Variants in TTC38 observed in about 807,000 individuals in gnomAD.
The protein encoded by TTC38 is tetratricopeptide repeat protein 38.
Under a neutral mutation model 64.2 loss-of-function variants are expected in TTC38, and 64 were observed. That is an observed-to-expected ratio of 1.00 (90% CI 0.81 to 1.23). The LOEUF is 1.23. TTC38 is among the 50% of genes most tolerant of loss of function. The probability of loss-of-function intolerance (pLI) is 0.00; values close to 1 mark genes in which losing one functional copy is unlikely to be tolerated. For missense variants in TTC38, 573 were observed against 615.5 expected (o/e 0.93, Z 0.73); for synonymous variants, 254 against 249.3 (o/e 1.02, Z -0.18).
At position 46,293,139 on chromosome 22, in the gene TTC38, T is replaced by A. The variant is rs2077628473; in HGVS notation, c.*255T>A. ...CAGTGTGAGTGCTGCTCTTTCCACCTGCCTTGCAAATTCTGTTTCCCAGGG... is the reference window on the plus strand; with the variant it reads ...CAGTGTGAGTGCTGCTCTTTCCACCAGCCTTGCAAATTCTGTTTCCCAGGG... On this transcript the variant is annotated 3_prime_UTR_variant, in exon 14 of 14. Transcript: ENST00000381031. This position sits in a 1 kb window ranked among gnomAD's most constrained non-coding sequence, Gnocchi z 6.6. The A allele has an allele frequency of 2.2e-6, 1 of 451,216 alleles. No homozygotes were observed. Among genetic ancestry groups the A allele is most frequent in the Admixed American group, 3.3e-5 (1 of 30,304 alleles). 28.0% of individuals were successfully genotyped at this position (451,216 alleles called of 1,614,324 possible).
At chr22:46,289,713 G>A (rs1397683581) in intron 12 of TTC38, 113 bp from the exon 13 acceptor site, 1 of 1,470,902 alleles carries the variant, frequency 6.8e-7, no homozygotes. Flanking sequence ...CGTCGTTGAG[G>A]GTGTGGCATC....
At chr22:46,268,918 A>T (rs1325876208) in intron 2 of TTC38, 1 of 344,752 alleles carries the variant, frequency 2.9e-6, no homozygotes, top group Non-Finnish European at 5.7e-6. Flanking sequence ...CGATCTCCTG[A>T]CCTCGTGATC....
Position 46,270,529 on chromosome 22 carries a change from C to G in TTC38, c.112-1806C>G, listed in dbSNP as rs1294960857. On this transcript the variant is annotated intron_variant, in intron 2 of 13. Coordinates refer to ENST00000381031, the MANE Select transcript of TTC38 (RefSeq NM_017931.4). This position sits in a 1 kb window ranked among gnomAD's most constrained non-coding sequence, Gnocchi z 4.7. ...AGTAAAGGACCAGGTACAAATACAG[C>G]AAATTGTTAAAAATGATGATGCGCT... Among the ~76,000 whole-genome samples the G allele has an allele frequency of 6.6e-6, 1 of 152,060 alleles. No homozygotes were observed. The highest frequency in any genetic ancestry group is 2.4e-5 in the African/African-American group (1 of 41,398).
intron 6 of TTC38, chr22:46,280,296 A>G (rs1480157228): frequency 9.3e-6 from 4 of 432,050 alleles, no homozygotes; most frequent in Non-Finnish European, 1.9e-5. Flanking sequence ...GTGGAGGCTT[A>G]GGGAGGAGGC....
In TTC38 at chr22:46,272,485, C is replaced by T; in HGVS notation, c.193+69C>T. 4 of 1,358,112 alleles carry T rather than the reference C, an allele frequency of 2.9e-6. No homozygotes were observed. The South Asian group carries it at 3.6e-5, about 12-fold the overall frequency. 84.1% of individuals were successfully genotyped at this position (1,358,112 alleles called of 1,614,324 possible). ...TCCAGCCCCTCTCTTTCCTTTACCA[C>T]AGGGACACAGTTGGGATGGGGAAGG... On this transcript the variant is annotated intron_variant, in intron 3 of 13. Transcript: ENST00000381031. The surrounding 1 kb of genome is among the most constrained non-coding windows in gnomAD (Gnocchi z 6.4).
At position 46,273,230 on chromosome 22, in the gene TTC38, A is replaced by AGCTGG. The variant is rs1415108843; in HGVS notation, c.194-654_194-650dup. On this transcript the variant is annotated intron_variant, in intron 3 of 13. Coordinates refer to ENST00000381031, the MANE Select transcript of TTC38 (RefSeq NM_017931.4). This position sits in a 1 kb window ranked among gnomAD's most constrained non-coding sequence, Gnocchi z 5.1. ...GGGGGCTTCGACCACCTGAATCATC[A>AGCTGG]GCTGGGCTGGGCTGGGCTCGACCAT... 2.0e-5 allele frequency among the ~76,000 whole-genome samples: 3 copies of AGCTGG among 152,156 alleles called. No homozygotes were observed. Among genetic ancestry groups the AGCTGG allele is most frequent in the Non-Finnish European group, 4.4e-5 (3 of 68,022 alleles).
intron 2 of TTC38, chr22:46,269,016 A>G: frequency 1.1e-5 from 4 of 357,564 alleles, no homozygotes; most frequent in South Asian, 8.5e-5. Flanking sequence ...TTGCGCCATG[A>G]CCTTAGCAAT....
In TTC38 at chr22:46,291,809, A is replaced by G. The variant is rs1215605311; in HGVS notation, c.1317-982A>G. Among the ~76,000 whole-genome samples, 2 of 152,152 alleles carry G rather than the reference A, an allele frequency of 1.3e-5. No homozygotes were observed. Among genetic ancestry groups the G allele is most frequent in the Non-Finnish European group, 2.9e-5 (2 of 68,034 alleles). ...GCCTCTACTAAAAATACAAAAAATTAGCCGGGCGTGGTGGTGGGTACCTGT... is the reference window on the plus strand; with the variant it reads ...GCCTCTACTAAAAATACAAAAAATTGGCCGGGCGTGGTGGTGGGTACCTGT... On this transcript the variant is annotated intron_variant, in intron 13 of 13. Coordinates refer to ENST00000381031, the MANE Select transcript of TTC38 (RefSeq NM_017931.4). The surrounding 1 kb of genome is among the most constrained non-coding windows in gnomAD (Gnocchi z 4.6).
At position 46,291,286 on chromosome 22, in the gene TTC38, A is replaced by C. The variant is rs1008104210; in HGVS notation, c.1316+1387A>C. On this transcript the variant is annotated intron_variant, in intron 13 of 13. Transcript: ENST00000381031. This position sits in a 1 kb window ranked among gnomAD's most constrained non-coding sequence, Gnocchi z 4.6. Reference sequence around the variant, plus strand: ...GTGCCTCTGGCAGCAGCGGTGGGGAAAGTGGCTGTGTGGACAGGAGGGCTG... The same window carrying C: ...GTGCCTCTGGCAGCAGCGGTGGGGACAGTGGCTGTGTGGACAGGAGGGCTG... Among the ~76,000 whole-genome samples, 2 of 152,152 alleles carry C rather than the reference A, an allele frequency of 1.3e-5. No homozygotes were observed. Among genetic ancestry groups the C allele is most frequent in the Admixed American group, 1.3e-4 (2 of 15,268 alleles).
intron 11 of TTC38, 80 bp from the exon 12 acceptor site, chr22:46,289,322 C>A: frequency 6.5e-7 from 1 of 1,532,090 alleles, no homozygotes; most frequent in Non-Finnish European, 8.8e-7. Context: ...AGGGACACCT[C>A]GCTGAGGAAG....
At position 46,274,977 on chromosome 22, in the gene TTC38, C is replaced by T. The variant is rs542828067; in HGVS notation, c.366-271C>T. ...AGCTGGGATTACAGGCACATATCAC[C>T]ACACCCTGCTCATTTTTGTATTTTT... On this transcript the variant is annotated intron_variant, in intron 4 of 13. Transcript: ENST00000381031. This position sits in a 1 kb window ranked among gnomAD's most constrained non-coding sequence, Gnocchi z 4.8. Among the ~76,000 whole-genome samples, 1 of 152,282 alleles carries T rather than the reference C, an allele frequency of 6.6e-6. No individual in the cohort carries two copies. The highest frequency in any genetic ancestry group is 1.9e-4 in the East Asian group (1 of 5,184).
Position 46,272,505 on chromosome 22 carries a change from G to A in TTC38, c.193+89G>A. 1 of 1,179,402 alleles carries A rather than the reference G, an allele frequency of 8.5e-7. No individual in the cohort carries two copies. The allele number at this position is 1,179,402 out of a possible 1,614,324, so 73.1% of individuals were successfully genotyped here. A position where few individuals can be genotyped will look rare whatever the true frequency, so the allele number is the denominator to read the frequency against. ...TACCACAGGGACACAGTTGGGATGGGGAAGGCAGGTTGGGTGGCAGCAACC... is the reference window on the plus strand; with the variant it reads ...TACCACAGGGACACAGTTGGGATGGAGAAGGCAGGTTGGGTGGCAGCAACC... On this transcript the variant is annotated intron_variant, in intron 3 of 13. Transcript: ENST00000381031. This position sits in a 1 kb window ranked among gnomAD's most constrained non-coding sequence, Gnocchi z 6.4.
Position 46,276,813 on chromosome 22 carries a change from T to A in TTC38, c.539+1392T>A, listed in dbSNP as rs1409973800. ...ATATATTAAAAATTATATATTAAAA[T>A]ATATATATTAAATATATATATATAT... On this transcript the variant is annotated intron_variant, in intron 5 of 13. Coordinates refer to ENST00000381031, the MANE Select transcript of TTC38 (RefSeq NM_017931.4). This position sits in a 1 kb window ranked among gnomAD's most constrained non-coding sequence, Gnocchi z 4.7. 8.1e-4 allele frequency among the ~76,000 whole-genome samples: 109 copies of A among 134,310 alleles called. No homozygotes were observed. The highest frequency in any genetic ancestry group is 3.3e-3 in the East Asian group (17 of 5,090). The allele number at this position is 134,310 out of a possible 152,430, so 88.1% of individuals were successfully genotyped here.
At chr22:46,269,053 T>C (rs1470657959) in intron 2 of TTC38, 2 of 392,838 alleles carry the variant, frequency 5.1e-6, no homozygotes, top group South Asian at 1.9e-5. Flanking sequence ...GTGCACTTTG[T>C]ACTGGAGGAC....
chr22:46,268,441 G>C (rs565949551), intron 1 of TTC38, 73 bp from the exon 2 acceptor site: 685 of 1,495,770 alleles, frequency 4.6e-4, no homozygotes, highest in Non-Finnish European at 5.2e-4. Flanking sequence ...GAGGGGCCAG[G>C]AGACGTGTGT....
chr22:46,282,927 TTTTG>T lies in TTC38; in HGVS notation c.736-1042_736-1039del, dbSNP rs1172277372. On this transcript the variant is annotated intron_variant, in intron 7 of 13. Transcript: ENST00000381031. This position sits in a 1 kb window ranked among gnomAD's most constrained non-coding sequence, Gnocchi z 4.4. ...CCTGGGCCTGTTGATCTCTGCAGGTTTTTGTTTTTGTTTTTTTTTGAGACAAGTT... is the reference window on the plus strand; with the variant it reads ...CCTGGGCCTGTTGATCTCTGCAGGTTTTTTTGTTTTTTTTTGAGACAAGTT... 6.6e-6 allele frequency among the ~76,000 whole-genome samples: 1 copy of T among 151,842 alleles called. No homozygotes were observed. The highest frequency in any genetic ancestry group is 1.5e-5 in the Non-Finnish European group (1 of 67,962).
intron 1 of TTC38, among the ~76,000 whole-genome samples, 187 bp from the exon 2 acceptor site, chr22:46,268,327 C>T (rs1202696207): frequency 6.6e-6 from 1 of 152,224 alleles, no homozygotes; most frequent in Non-Finnish European, 1.5e-5. Context: ...GCTCACTGGG[C>T]ATGGCTGGGG....
rs1237364308 is a variant in TTC38 at position 46,289,551 on chromosome 22, G to A, written c.1232G>A (p.Ser411Asn). 1 of 1,588,462 alleles carries A rather than the reference G, an allele frequency of 6.3e-7. No individual in the cohort carries two copies. The highest frequency in any genetic ancestry group is 8.6e-7 in the Non-Finnish European group (1 of 1,168,448). ...IRYRIVQLGG[S>N]NAQRDVFNQL... is the part of the protein sequence containing the mutation. Reference sequence around the variant, plus strand: ...TACCGGATCGTCCAGCTCGGTGGGAGCAATGCCCAGGTGAGCCGATGGCCG... The same window carrying A: ...TACCGGATCGTCCAGCTCGGTGGGAACAATGCCCAGGTGAGCCGATGGCCG... Residue 411 changes from serine to asparagine, a missense_variant, in exon 12 of 14, where the codon AGC (serine) becomes AAC (asparagine). Around this residue, in one of 3 missense-constraint regions of TTC38, gnomAD observed 371 missense variants for 381.8 expected, o/e 0.97. Coordinates refer to ENST00000381031, the MANE Select transcript of TTC38 (RefSeq NM_017931.4).
At position 46,276,666 on chromosome 22, in the gene TTC38, T is replaced by A. The variant is rs528634341; in HGVS notation, c.539+1245T>A. ...TGAGCTGGCGATCATGCCACTGCACTCAGCCTGGGCAGCAGAGCAAGACTC... is the reference window on the plus strand; with the variant it reads ...TGAGCTGGCGATCATGCCACTGCACACAGCCTGGGCAGCAGAGCAAGACTC... On this transcript the variant is annotated intron_variant, in intron 5 of 13. Transcript: ENST00000381031. This position sits in a 1 kb window ranked among gnomAD's most constrained non-coding sequence, Gnocchi z 4.7. Among the ~76,000 whole-genome samples, 2 of 150,702 alleles carry A rather than the reference T, an allele frequency of 1.3e-5. No homozygotes were observed. The highest frequency in any genetic ancestry group is 2.9e-5 in the Non-Finnish European group (2 of 67,836).
Sources: allele counts gnomAD v4.1 joint callset (sites outside exome capture counted in the v4.1 genomes callset), GRCh38; gene constraint gnomAD v4.1.1; regional missense constraint gnomAD v4.1.1; non-coding constraint Gnocchi (gnomAD v3.1); transcripts MANE v1.5; gene names NCBI Gene and HGNC (gene_info 2026-07-23, HGNC 2026-07-21).